The following SLC8A1 variants were observed in gnomAD, a reference collection of about 807,000 sequenced individuals.
SLC8A1 encodes solute carrier family 8 member A1, also known as sodium/calcium exchanger 1.
A neutral mutation model predicts 68.3 loss-of-function variants in SLC8A1; 18 were observed. The observed-to-expected ratio is 0.26, with a 90% CI of 0.18 to 0.39. SLC8A1 has a LOEUF of 0.39. Among genes scored for constraint, SLC8A1 ranks in the 10% least tolerant of loss-of-function variants. SLC8A1 has a pLI of 1.00. For missense variants in SLC8A1, 985 were observed against 1,156.7 expected (o/e 0.85, Z 2.15); for synonymous variants, 475 against 415.5 (o/e 1.14, Z -1.74).
intron 5 of SLC8A1, 58 bp from the exon 9 acceptor site, chr2:40,160,922 C>A: frequency 1.6e-6 from 2 of 1,268,086 alleles, no homozygotes; most frequent in Non-Finnish European, 2.3e-6. Flanking sequence ...TCAGGAAATC[C>A]AAGACCTTGT....
chr2:40,346,580 T>C (rs971417462), intron 2 of SLC8A1, among the ~76,000 whole-genome samples: 1 of 152,020 alleles, frequency 6.6e-6, no homozygotes, highest in Non-Finnish European at 1.5e-5. Context: ...TTTTACTCTA[T>C]TCCACAAGAG....
chr2:40,372,968 A>T (rs1258438606), intron 2 of SLC8A1, among the ~76,000 whole-genome samples: 1 of 152,048 alleles, frequency 6.6e-6, no homozygotes, highest in African/African-American at 2.4e-5. Flanking sequence ...AAAAAAATAA[A>T]TTCTTACAAA....
chr2:40,116,049 C>G (rs55786798), intron 7 of SLC8A1, among the ~76,000 whole-genome samples: 13,413 of 152,186 alleles, frequency 0.088, 706 homozygotes, highest in African/African-American at 0.16. Flanking sequence ...TCTATTTTAA[C>G]AGTATCCTAA....
At chr2:40,137,881 A>ACC (rs1164097039) in intron 7 of SLC8A1, among the ~76,000 whole-genome samples, 1 of 151,970 alleles carries the variant, frequency 6.6e-6, no homozygotes, top group African/African-American at 2.4e-5. Context: ...TTTAATCAGA[A>ACC]CCCCCAGGCA....
At chr2:40,205,557 A>G (rs1191138288) in intron 2 of SLC8A1, among the ~76,000 whole-genome samples, 5 of 152,088 alleles carry the variant, frequency 3.3e-5, no homozygotes, top group Non-Finnish European at 7.4e-5. Context: ...ACAGAAAACC[A>G]AACACCGCAG....
chr2:40,413,432 G>C (rs1046533298), intron 2 of SLC8A1, among the ~76,000 whole-genome samples: 3 of 152,134 alleles, frequency 2.0e-5, no homozygotes, highest in Non-Finnish European at 4.4e-5. Flanking sequence ...ATAAAAAAAT[G>C]ATGAGTTCAT....
chr2:40,208,555 T>C (rs906763847), intron 2 of SLC8A1: 2 of 152,186 alleles, frequency 1.3e-5, no homozygotes, highest in African/African-American at 4.8e-5. Flanking sequence ...CCCTTTTTTC[T>C]AGGCATCGTC....
At chr2:40,502,185 C>T (rs1706097437) in intron 1 of SLC8A1, among the ~76,000 whole-genome samples, 1 of 152,040 alleles carries the variant, frequency 6.6e-6, no homozygotes, top group Non-Finnish European at 1.5e-5. Context: ...CACTACAAAA[C>T]TTTCTTTAGA....
At chr2:40,228,961 G>A (rs1046117138) in intron 2 of SLC8A1, among the ~76,000 whole-genome samples, 1 of 151,992 alleles carries the variant, frequency 6.6e-6, no homozygotes, top group Non-Finnish European at 1.5e-5. Context: ...CCATAAGAAA[G>A]GAAAAGCAAG....
chr2:40,357,783 C>T (rs918448152), intron 2 of SLC8A1, among the ~76,000 whole-genome samples: 19 of 152,208 alleles, frequency 1.2e-4, no homozygotes, highest in African/African-American at 4.6e-4. Flanking sequence ...AAAGCCCTAG[C>T]TTATACGACA....
chr2:40,398,267 G>A (rs899448194), intron 2 of SLC8A1, among the ~76,000 whole-genome samples: 32 of 152,224 alleles, frequency 2.1e-4, no homozygotes, highest in African/African-American at 7.5e-4. Flanking sequence ...CCTCCAGTTT[G>A]GCTGGCTTTT....
intron 1 of SLC8A1, among the ~76,000 whole-genome samples, chr2:40,444,976 A>T (rs1223761786): frequency 6.6e-6 from 1 of 152,166 alleles, no homozygotes; most frequent in Non-Finnish European, 1.5e-5. Context: ...TCACCACACC[A>T]ATCAGTGTAT....
At chr2:40,446,654 A>ACC (rs1437182362) in intron 1 of SLC8A1, 1 of 152,244 alleles carries the variant, frequency 6.6e-6, no homozygotes, top group Admixed American at 6.5e-5. Flanking sequence ...CATCCCTGGG[A>ACC]ACAGAGAACA....
intron 2 of SLC8A1, among the ~76,000 whole-genome samples, chr2:40,275,197 G>C (rs1484872044): frequency 6.6e-6 from 1 of 152,154 alleles, no homozygotes; most frequent in East Asian, 1.9e-4. Flanking sequence ...CAGAAGTATA[G>C]ACAGATGACT....
At chr2:40,226,156 T>G (rs1396143754) in intron 2 of SLC8A1, among the ~76,000 whole-genome samples, 1 of 152,104 alleles carries the variant, frequency 6.6e-6, no homozygotes, top group Non-Finnish European at 1.5e-5. Flanking sequence ...GACAGCTACT[T>G]CACAAGCACA....
At chr2:40,161,057 T>C (rs572898444) in intron 5 of SLC8A1, among the ~76,000 whole-genome samples, 193 bp from the exon 9 acceptor site, 144 of 152,280 alleles carry the variant, frequency 9.5e-4, no homozygotes, top group African/African-American at 3.4e-3. Flanking sequence ...CATTCTGAAA[T>C]GGAAACTTCT....
At chr2:40,393,961 G>A (rs886460412) in intron 2 of SLC8A1, among the ~76,000 whole-genome samples, 1 of 152,094 alleles carries the variant, frequency 6.6e-6, no homozygotes, top group Non-Finnish European at 1.5e-5. Flanking sequence ...CTTGAAACCA[G>A]TAGCTCTAAA....
At chr2:40,478,956 G>A (rs954563459) in intron 1 of SLC8A1, among the ~76,000 whole-genome samples, 1 of 151,934 alleles carries the variant, frequency 6.6e-6, no homozygotes, top group African/African-American at 2.4e-5. Context: ...ATTTTTAGTA[G>A]AGACGGGGTT....
At chr2:40,386,792 T>C (rs1018687027) in intron 2 of SLC8A1, among the ~76,000 whole-genome samples, 2 of 150,958 alleles carry the variant, frequency 1.3e-5, no homozygotes, top group African/African-American at 4.9e-5. Flanking sequence ...AACAGGCCAG[T>C]TTTCTTCTTT....
Sources: allele counts gnomAD v4.1 joint callset (sites outside exome capture counted in the v4.1 genomes callset), GRCh38; gene constraint gnomAD v4.1.1; transcripts MANE v1.5; gene names NCBI Gene and HGNC (gene_info 2026-07-23, HGNC 2026-07-21).